Variants in NCKAP5 observed in about 807,000 individuals in gnomAD.
NCKAP5 encodes nck-associated protein 5.
NCKAP5 carries 92 observed loss-of-function variants against 167.0 expected under a neutral mutation model. The ratio of observed to expected loss-of-function variants is 0.55; its 90% CI spans 0.47 to 0.66. The LOEUF (loss-of-function observed/expected upper bound fraction) is 0.66. Ranked by LOEUF, NCKAP5 falls within the 30% of genes least tolerant of loss-of-function variation. The pLI is 0.00. For synonymous variants in NCKAP5, 891 were observed against 877.4 expected (o/e 1.02, Z -0.27); for missense variants, 2,378 against 2,315.0 (o/e 1.03, Z -0.56).
chr2:133,652,797 GAGTTT>G, the NCKAP5 span, among the ~76,000 whole-genome samples: 1 of 152,030 alleles, frequency 6.6e-6, no homozygotes, highest in African/African-American at 2.4e-5. Context: ...TTTTATCACT[GAGTTT>G]AGTTGACTGC....
Position 132,673,320 on chromosome 2 carries a change from A to C in NCKAP5, c.5714-15T>G. ...TGTCTCAATTTCTGCAATAAAAAGA[A>C]GAAAATATTAGAAACATATTTCTTT... On this transcript the variant is annotated splice_polypyrimidine_tract_variant and intron_variant, in intron 19 of 19. Coordinates refer to ENST00000409261, the MANE Select transcript of NCKAP5 (RefSeq NM_207363.3). The C allele has an allele frequency of 7.1e-7, 1 of 1,413,244 alleles. No homozygotes were observed. Among genetic ancestry groups the C allele is most frequent in the Non-Finnish European group, 9.6e-7 (1 of 1,040,670 alleles). 87.5% of individuals were successfully genotyped at this position (1,413,244 alleles called of 1,614,324 possible).
chr2:133,247,097 TGTTA>T (rs2088039795), intron 4 of NCKAP5, among the ~76,000 whole-genome samples: 1 of 152,236 alleles, frequency 6.6e-6, no homozygotes, highest in South Asian at 2.1e-4. Context: ...TTTAAAGTAA[TGTTA>T]GTTTGTATTT....
At chr2:133,513,829 T>C (rs555992508) in intron 3 of NCKAP5, among the ~76,000 whole-genome samples, 5 of 152,172 alleles carry the variant, frequency 3.3e-5, no homozygotes, top group Non-Finnish European at 7.4e-5. Flanking sequence ...GCTTAAAAGC[T>C]AAATGTATTT....
intron 19 of NCKAP5, among the ~76,000 whole-genome samples, chr2:132,680,113 C>T (rs568798118): frequency 6.0e-4 from 91 of 152,248 alleles, no homozygotes; most frequent in African/African-American, 2.1e-3. Flanking sequence ...GTGATATTAA[C>T]CCTGTTAACC....
At chr2:133,282,021 A>G (rs887075603) in intron 4 of NCKAP5, among the ~76,000 whole-genome samples, 5 of 152,110 alleles carry the variant, frequency 3.3e-5, no homozygotes, top group Non-Finnish European at 7.4e-5. Flanking sequence ...CAATTCTATC[A>G]CGTGCCTATA....
intron 13 of NCKAP5, among the ~76,000 whole-genome samples, chr2:132,787,075 C>T (rs999154438): frequency 3.3e-5 from 5 of 152,088 alleles, no homozygotes; most frequent in Non-Finnish European, 5.9e-5. Context: ...ATGGGCCAGG[C>T]GCAGTGGCTC....
At position 133,127,678 on chromosome 2, in the gene NCKAP5, T is replaced by C. The variant is rs139432135; in HGVS notation, c.341+2300A>G. On this transcript the variant is annotated intron_variant, in intron 6 of 19. Coordinates refer to ENST00000409261, the MANE Select transcript of NCKAP5 (RefSeq NM_207363.3). ...ATATAGAGACATCTCAATTAGACAG[T>C]GCAAAGAGAGCAAGATCTGCCTCCT... Among the ~76,000 whole-genome samples, 3 of 152,292 alleles carry C rather than the reference T, an allele frequency of 2.0e-5. No individual in the cohort carries two copies. The East Asian group carries it at 5.8e-4, about 29-fold the overall frequency.
rs565724107 is a variant in NCKAP5 at position 133,110,199 on chromosome 2, T to C, written c.341+19779A>G. On this transcript the variant is annotated intron_variant, in intron 6 of 19. Transcript: ENST00000409261. ...CCTGCAAAAGTTCTCAATGGTGGTA[T>C]TGCAACTTGCATCCAATAGCAAAGT... Among the ~76,000 whole-genome samples the C allele has an allele frequency of 3.3e-5, 5 of 152,340 alleles. No individual in the cohort carries two copies. In the South Asian group the frequency reaches 1.0e-3, roughly 32 times the overall value.
At chr2:132,725,526 CAT>C (rs1690364157) in intron 19 of NCKAP5, 99 bp downstream of exon 19, 1 of 1,383,670 alleles carries the variant, frequency 7.2e-7, no homozygotes, top group Non-Finnish European at 9.6e-7. Context: ...GAAGAAAAAA[CAT>C]AAAATCAAAG....
At chr2:133,303,710 C>G (rs1170394926) in intron 3 of NCKAP5, among the ~76,000 whole-genome samples, 2 of 150,540 alleles carry the variant, frequency 1.3e-5, no homozygotes, top group Non-Finnish European at 1.5e-5. Context: ...GTATTCTGCT[C>G]TATAGAAATG....
At chr2:133,146,421 A>G (rs2149863408) in intron 5 of NCKAP5, among the ~76,000 whole-genome samples, 1 of 152,238 alleles carries the variant, frequency 6.6e-6, no homozygotes, top group African/African-American at 2.4e-5. Context: ...TCAATTTTAA[A>G]AAGCACTACT....
At chr2:132,976,823 T>A (rs1031648519) in intron 7 of NCKAP5, among the ~76,000 whole-genome samples, 2 of 152,006 alleles carry the variant, frequency 1.3e-5, no homozygotes, top group Non-Finnish European at 2.9e-5. Context: ...CTATCTCTGT[T>A]CTCTAGATGA....
At chr2:133,663,644 G>T in the NCKAP5 span, among the ~76,000 whole-genome samples, 1 of 152,154 alleles carries the variant, frequency 6.6e-6, no homozygotes, top group African/African-American at 2.4e-5. Flanking sequence ...TGGCTCATCT[G>T]TAAGAAGCAA....
intron 3 of NCKAP5, among the ~76,000 whole-genome samples, chr2:133,354,613 A>G (rs1018452090): frequency 3.9e-5 from 6 of 152,210 alleles, no homozygotes; most frequent in Non-Finnish European, 7.3e-5. Flanking sequence ...CTTATTAACG[A>G]TAGAAGCAAT....
chr2:132,917,872 G>A (rs1209314340), intron 8 of NCKAP5, among the ~76,000 whole-genome samples: 1 of 152,096 alleles, frequency 6.6e-6, no homozygotes, highest in Non-Finnish European at 1.5e-5. Context: ...TAGTTTCTCT[G>A]AGGATCCTCC....
chr2:133,188,111 C>T (rs569716440), intron 5 of NCKAP5, among the ~76,000 whole-genome samples: 2 of 152,142 alleles, frequency 1.3e-5, no homozygotes, highest in South Asian at 4.1e-4. Context: ...GTTGCTGGTA[C>T]TGGTTGTTCC....
rs1053360367 is a variant in NCKAP5, at chr2:132,812,201, C to A, written c.808-15472G>T. Among the ~76,000 whole-genome samples the A allele has an allele frequency of 9.8e-5, 15 of 152,310 alleles. No individual in the cohort carries two copies. In the East Asian group the frequency reaches 2.9e-3, roughly 29 times the overall value. ...TCTCGGGATTGCTGGTTTGTTCTTG[C>A]AGTTGATCTGGAGCTAAAATTCATA... is the stretch of plus-strand genomic sequence containing the variant. On this transcript the variant is annotated intron_variant, in intron 11 of 19. Coordinates refer to ENST00000409261, the MANE Select transcript of NCKAP5 (RefSeq NM_207363.3).
chr2:133,619,183 A>G, the NCKAP5 span, among the ~76,000 whole-genome samples: 3 of 139,006 alleles, frequency 2.2e-5, no homozygotes, highest in Admixed American at 7.2e-5. Flanking sequence ...GAGGGATAGC[A>G]TTGGGAGATA....
intron 6 of NCKAP5, among the ~76,000 whole-genome samples, chr2:133,075,466 T>C: frequency 6.6e-6 from 1 of 152,298 alleles, no homozygotes; most frequent in Non-Finnish European, 1.5e-5. Context: ...TTTTTATTCT[T>C]TTAAGTTCTT....
Sources: allele counts gnomAD v4.1 joint callset (sites outside exome capture counted in the v4.1 genomes callset), GRCh38; gene constraint gnomAD v4.1.1; transcripts MANE v1.5; gene names NCBI Gene and HGNC (gene_info 2026-07-23, HGNC 2026-07-21).